WFDC2: variants seen among roughly 807,000 people sequenced by gnomAD.
WFDC2 encodes the protein WAP four-disulfide core domain 2.
Under a neutral mutation model 12.5 loss-of-function variants are expected in WFDC2, and 8 were observed. That is an observed-to-expected ratio of 0.64 (90% CI 0.37 to 1.15). The LOEUF (loss-of-function observed/expected upper bound fraction) is 1.15. WFDC2 is among the 50% of genes most tolerant of loss of function. The pLI, the probability that WFDC2 is intolerant of heterozygous loss-of-function variation, is 0.01. For synonymous variants in WFDC2, 74 were observed against 67.2 expected, an observed-to-expected ratio of 1.10 and a Z score of -0.49; for missense variants, 166 against 159.9, an observed-to-expected ratio of 1.04 and a Z score of -0.21.
At chr20:45,469,911 G>A in intron 1 of WFDC2, 51 bp downstream of exon 1, 1 of 1,566,426 alleles carries the variant, frequency 6.4e-7, no homozygotes, top group South Asian at 1.2e-5. Flanking sequence ...AGCCACGAGC[G>A]CCAGGATGGA....
rs1412696249 is a variant in WFDC2, at chr20:45,479,950, G to C, written c.232G>C (p.Gly78Arg). The C allele has an allele frequency of 1.2e-6, 2 of 1,614,218 alleles. No individual in the cohort carries two copies. The highest frequency in any genetic ancestry group is 1.1e-5 in the South Asian group (1 of 91,082). ...CTCCTTTTTCTACCCAGATAAGGAG[G>C]GTTCCTGCCCCCAGGTGAACATTAA... ...TFCSLPNDKE[G>R]SCPQVNINFP... Residue 78 changes from glycine to arginine, a missense_variant, in exon 3 of 4, where the codon GGT becomes CGT. Transcript: ENST00000372676.
chr20:45,469,936 T>C (rs1036973348), intron 1 of WFDC2, 76 bp downstream of exon 1: 4 of 1,530,536 alleles, frequency 2.6e-6, no homozygotes, highest in Admixed American at 2.0e-5. Flanking sequence ...GGCGGAGGCG[T>C]AGCCTCTGGA....
chr20:45,481,121 C>G (rs1475139552), intron 3 of WFDC2, among the ~76,000 whole-genome samples: 1 of 152,094 alleles, frequency 6.6e-6, no homozygotes, highest in Non-Finnish European at 1.5e-5. Context: ...CCACAGTATA[C>G]CCAGGTGCCT....
chr20:45,476,137 G>A lies in WFDC2; in HGVS notation c.224-3805G>A, dbSNP rs534158052. ...TCTTGACTCTTTATCCAATTTGCCA[G>A]TCTTTGTCTTTTAACTGGGGCATTT... On this transcript the variant is annotated intron_variant, in intron 2 of 3. Coordinates refer to ENST00000372676, the MANE Select transcript of WFDC2 (RefSeq NM_006103.4). Among the ~76,000 whole-genome samples, 4 of 152,264 alleles carry A rather than the reference G, an allele frequency of 2.6e-5. No individual in the cohort carries two copies. In the Middle Eastern group the frequency reaches 0.01, roughly 388 times the overall value.
chr20:45,475,479 G>T (rs1415261852), intron 2 of WFDC2, among the ~76,000 whole-genome samples: 2 of 152,078 alleles, frequency 1.3e-5, no homozygotes, highest in Non-Finnish European at 2.9e-5. Context: ...TCCATGTAAG[G>T]TTATGCGGTC....
chr20:45,473,467 A>G (rs542937302), intron 2 of WFDC2, among the ~76,000 whole-genome samples: 2 of 152,286 alleles, frequency 1.3e-5, no homozygotes, highest in African/African-American at 4.8e-5. Flanking sequence ...TGTTTTTGCC[A>G]TGTTTGTCAA....
intron 3 of WFDC2, 73 bp downstream of exon 3, chr20:45,480,167 C>T (rs1991284682): frequency 1.0e-5 from 16 of 1,588,914 alleles, no homozygotes; most frequent in African/African-American, 2.7e-5. Context: ...GTCACCCAGG[C>T]GGAGGTGAAG....
chr20:45,472,444 G>A (rs1991184033), intron 2 of WFDC2, among the ~76,000 whole-genome samples: 1 of 152,242 alleles, frequency 6.6e-6, no homozygotes, highest in Non-Finnish European at 1.5e-5. Flanking sequence ...CAAAGGACAT[G>A]AACTCATCAT....
intron 2 of WFDC2, among the ~76,000 whole-genome samples, chr20:45,478,011 C>T (rs180860205): frequency 1.8e-4 from 27 of 152,302 alleles, no homozygotes; most frequent in South Asian, 6.2e-4. Flanking sequence ...GCCCCTCCCC[C>T]TACCAAGCTT....
Position 45,470,352 on chromosome 20 carries a change from C to T in WFDC2, c.80-37C>T, listed in dbSNP as rs747938489. 4 of 1,548,224 alleles carry T rather than the reference C, an allele frequency of 2.6e-6. No homozygotes were observed. The South Asian group carries it at 3.6e-5, about 14-fold the overall frequency. On this transcript the variant is annotated intron_variant, in intron 1 of 3. Coordinates refer to ENST00000372676, the MANE Select transcript of WFDC2 (RefSeq NM_006103.4). This position sits in a 1 kb window ranked among gnomAD's most constrained non-coding sequence, Gnocchi z 5.4. Reference sequence around the variant, plus strand: ...TGGGCATCCTCTGGGGCTGGCGCTACGCCCCACCCTCGACTGTCCCGGGCC... The same window carrying T: ...TGGGCATCCTCTGGGGCTGGCGCTATGCCCCACCCTCGACTGTCCCGGGCC...
intron 2 of WFDC2, among the ~76,000 whole-genome samples, chr20:45,476,655 T>A (rs1218449099): frequency 6.6e-6 from 1 of 152,184 alleles, no homozygotes; most frequent in East Asian, 1.9e-4. Context: ...TGTCTTGGGG[T>A]TATTCTTCTC....
rs1991148276 is a variant in WFDC2 at position 45,470,152 on chromosome 20, G to A, written c.80-237G>A. 1.3e-5 allele frequency among the ~76,000 whole-genome samples: 2 copies of A among 152,166 alleles called. No individual in the cohort carries two copies. On this transcript the variant is annotated intron_variant, in intron 1 of 3. Transcript: ENST00000372676. The surrounding 1 kb of genome is among the most constrained non-coding windows in gnomAD (Gnocchi z 5.4). ...CTCGGAAGCTCCGAGACGCTCAGCT[G>A]TGCGGCGTCCCCTAGGGCTGAGATC...
At chr20:45,477,635 T>C (rs996564675) in intron 2 of WFDC2, among the ~76,000 whole-genome samples, 1 of 152,204 alleles carries the variant, frequency 6.6e-6, no homozygotes, top group Non-Finnish European at 1.5e-5. Flanking sequence ...TGTCTCCCAG[T>C]CAGGAGACAC....
intron 2 of WFDC2, among the ~76,000 whole-genome samples, chr20:45,477,071 T>C (rs1991241790): frequency 6.6e-6 from 1 of 152,054 alleles, no homozygotes; most frequent in Admixed American, 6.5e-5. Context: ...AGTTAGCAAT[T>C]CCTATAACCT....
chr20:45,469,886 C>A, intron 1 of WFDC2, 26 bp downstream of exon 1: 1 of 1,582,156 alleles, frequency 6.3e-7, no homozygotes, highest in East Asian at 2.3e-5. Flanking sequence ...AGAGGCCCGG[C>A]GCCTAGAGGG....
intron 2 of WFDC2, among the ~76,000 whole-genome samples, chr20:45,474,953 A>G (rs139996057): frequency 3.3e-5 from 5 of 152,234 alleles, no homozygotes; most frequent in Admixed American, 1.3e-4. Context: ...TAGGTTTTCT[A>G]GTTTATTTGC....
At chr20:45,471,095 C>T in intron 2 of WFDC2, 1 of 469,674 alleles carries the variant, frequency 2.1e-6, no homozygotes, top group East Asian at 7.0e-5. Flanking sequence ...TGCCCAAGGT[C>T]ACACCGCCAT....
At chr20:45,479,898 T>G in intron 2 of WFDC2, 44 bp from the exon 3 acceptor site, 1 of 1,614,100 alleles carries the variant, frequency 6.2e-7, no homozygotes, top group Non-Finnish European at 8.5e-7. Flanking sequence ...TTAATCTCCC[T>G]GTATCGCCTC....
intron 3 of WFDC2, among the ~76,000 whole-genome samples, chr20:45,480,728 C>G (rs1991291890): frequency 6.6e-6 from 1 of 152,186 alleles, no homozygotes. Flanking sequence ...CTGAAGATAA[C>G]TGATAGAATC....
Sources: gnomAD v4.1 joint callset for allele counts (sites outside exome capture counted in the v4.1 genomes callset) on GRCh38, gnomAD v4.1.1 for gene constraint, Gnocchi (gnomAD v3.1) non-coding constraint, MANE v1.5 for transcripts, NCBI Gene and HGNC (gene_info 2026-07-23, HGNC 2026-07-21) for gene names.